The following NDRG3 variants were observed in gnomAD, a reference collection of about 807,000 sequenced individuals.
NDRG3 encodes the protein protein NDRG3.
A neutral mutation model predicts 57.2 loss-of-function variants in NDRG3; 23 were observed. That is an observed-to-expected ratio of 0.40 (90% CI 0.29 to 0.57). The LOEUF is 0.57. Among genes scored for constraint, NDRG3 ranks in the 20% least tolerant of loss-of-function variants. NDRG3 has a pLI of 0.42. For missense variants in NDRG3, 384 were observed against 457.3 expected, an observed-to-expected ratio of 0.84 and a Z score of 1.46; for synonymous variants, 132 against 162.6, an observed-to-expected ratio of 0.81 and a Z score of 1.43.
In NDRG3 at chr20:36,656,419, G is replaced by C; in HGVS notation, c.895-8C>G. 6.2e-7 allele frequency: 1 copy of C among 1,614,110 alleles called. No homozygotes were observed. The highest frequency in any genetic ancestry group is 8.5e-7 in the Non-Finnish European group (1 of 1,180,024). The stretch of plus-strand genomic sequence containing the variant: ...CTCGGTGAGCTTCCCAGGCTGGGGG[G>C]ATAAAACAAGAGGGCATTAATTTTT... On this transcript the variant is annotated splice_polypyrimidine_tract_variant and splice_region_variant and intron_variant, in intron 14 of 15. Transcript: ENST00000349004.
At chr20:36,670,269 G>GT (rs1419377884) in intron 9 of NDRG3, among the ~76,000 whole-genome samples, 5 of 152,170 alleles carry the variant, frequency 3.3e-5, no homozygotes, top group Non-Finnish European at 5.9e-5. Flanking sequence ...TACACTGTAA[G>GT]TATTACCTCA....
chr20:36,653,590 TCTGA>T lies in NDRG3; in HGVS notation c.1054_1057del (p.Ser352MetfsTer39). 1 of 1,614,204 alleles carries T rather than the reference TCTGA, an allele frequency of 6.2e-7. No homozygotes were observed. The highest frequency in any genetic ancestry group is 1.3e-5 in the African/African-American group (1 of 75,050). On this transcript the variant is annotated frameshift_variant, in exon 16 of 16. Coordinates refer to ENST00000349004, the MANE Select transcript of NDRG3 (RefSeq NM_032013.4). LOFTEE classifies it high-confidence loss of function. This position sits in a 1 kb window ranked among gnomAD's most constrained non-coding sequence, Gnocchi z 4.2. ...GGACTCACAGGATTCTTGAGTTCCA[TCTGA>T]CTGATTGCTGGTGACAGACCGGCTG...
intron 8 of NDRG3, among the ~76,000 whole-genome samples, chr20:36,677,382 C>T (rs927618060): frequency 2.6e-5 from 4 of 152,240 alleles, no homozygotes; most frequent in African/African-American, 9.6e-5. Context: ...TCGCCCAGAC[C>T]AGTCAGGACT....
At chr20:36,737,874 G>C (rs763186567) in intron 1 of NDRG3, among the ~76,000 whole-genome samples, 1 of 151,994 alleles carries the variant, frequency 6.6e-6, no homozygotes, top group Non-Finnish European at 1.5e-5. Context: ...GACCAGCCTG[G>C]CCAACATGGT....
chr20:36,699,484 G>T (rs775457600), intron 3 of NDRG3, among the ~76,000 whole-genome samples: 1 of 152,142 alleles, frequency 6.6e-6, no homozygotes, highest in Non-Finnish European at 1.5e-5. Context: ...TAAAGAGAGC[G>T]TCCGACAACT....
intron 8 of NDRG3, among the ~76,000 whole-genome samples, chr20:36,674,047 T>C (rs1980421941): frequency 6.6e-6 from 1 of 151,868 alleles, no homozygotes; most frequent in African/African-American, 2.4e-5. Flanking sequence ...GAGGTTGCAG[T>C]GAGCCGAGAT....
chr20:36,693,518 G>T (rs902251864), intron 3 of NDRG3, among the ~76,000 whole-genome samples: 5 of 151,796 alleles, frequency 3.3e-5, no homozygotes, highest in Admixed American at 6.6e-5. Flanking sequence ...CCACAGACTG[G>T]TACCAGTCTG....
intron 12 of NDRG3, among the ~76,000 whole-genome samples, chr20:36,662,365 A>G (rs1247534174): frequency 6.6e-6 from 1 of 151,788 alleles, no homozygotes; most frequent in African/African-American, 2.4e-5. Context: ...TTACAGGTGC[A>G]TGCCATCACA....
At chr20:36,654,584 G>C (rs1454265877) in intron 15 of NDRG3, among the ~76,000 whole-genome samples, 1 of 152,204 alleles carries the variant, frequency 6.6e-6, no homozygotes, top group Non-Finnish European at 1.5e-5. Flanking sequence ...CTGTGACCCT[G>C]GATTTAGGAT....
At chr20:36,676,281 T>A (rs978155096) in intron 8 of NDRG3, among the ~76,000 whole-genome samples, 56 of 152,066 alleles carry the variant, frequency 3.7e-4, no homozygotes, top group African/African-American at 1.3e-3. Flanking sequence ...TAAAATGAGA[T>A]TAACAGATTA....
chr20:36,717,011 G>A (rs999681343), intron 2 of NDRG3, among the ~76,000 whole-genome samples: 6 of 152,186 alleles, frequency 3.9e-5, no homozygotes, highest in African/African-American at 1.4e-4. Flanking sequence ...GAGACTGGAA[G>A]ATTAAAATAA....
intron 9 of NDRG3, among the ~76,000 whole-genome samples, chr20:36,669,969 A>G (rs1399872734): frequency 1.3e-5 from 2 of 152,214 alleles, no homozygotes; most frequent in African/African-American, 4.8e-5. Context: ...CTACTGACAC[A>G]TGGAATGACA....
chr20:36,682,035 T>G (rs776668944), intron 7 of NDRG3, among the ~76,000 whole-genome samples: 21 of 152,300 alleles, frequency 1.4e-4, no homozygotes, highest in South Asian at 4.1e-4. Context: ...AGTGATTATA[T>G]TCACGATAGA....
chr20:36,709,800 A>C (rs952393442), intron 2 of NDRG3, among the ~76,000 whole-genome samples: 3 of 152,208 alleles, frequency 2.0e-5, no homozygotes, highest in African/African-American at 7.2e-5. Context: ...CTCCAAATAT[A>C]GCACAGGGCC....
At chr20:36,664,527 A>C (rs1407548980) in intron 12 of NDRG3, among the ~76,000 whole-genome samples, 1 of 152,174 alleles carries the variant, frequency 6.6e-6, no homozygotes, top group Non-Finnish European at 1.5e-5. Flanking sequence ...CACAAAGTGA[A>C]CTACACAACA....
intron 2 of NDRG3, among the ~76,000 whole-genome samples, chr20:36,714,646 C>T (rs1279962901): frequency 1.3e-5 from 2 of 148,914 alleles, no homozygotes; most frequent in Non-Finnish European, 3.0e-5. Context: ...CGGAGTCTTG[C>T]TCTGTCGCCC....
chr20:36,701,544 C>CTTT (rs897071523), intron 3 of NDRG3, among the ~76,000 whole-genome samples: 2 of 124,274 alleles, frequency 1.6e-5, no homozygotes, highest in African/African-American at 2.9e-5. Flanking sequence ...GACCCTGTAT[C>CTTT]TTTTTTTTTT....
In NDRG3 at chr20:36,677,560, A is replaced by G. The variant is rs186967869; in HGVS notation, c.531+3256T>C. On this transcript the variant is annotated intron_variant, in intron 8 of 15. Transcript: ENST00000349004. Reference sequence around the variant, plus strand: ...GACAACCAGCTGCAGAGAGGAATACACTCTCCACTGAGCGCTTCAGGGACA... The same window carrying G: ...GACAACCAGCTGCAGAGAGGAATACGCTCTCCACTGAGCGCTTCAGGGACA... Among the ~76,000 whole-genome samples the G allele has an allele frequency of 2.6e-4, 40 of 152,054 alleles. No homozygotes were observed. The East Asian group carries it at 7.2e-3, about 27-fold the overall frequency.
chr20:36,716,050 G>A (rs1326611822), intron 2 of NDRG3, among the ~76,000 whole-genome samples: 1 of 152,144 alleles, frequency 6.6e-6, no homozygotes, highest in Non-Finnish European at 1.5e-5. Flanking sequence ...AGCCATGATT[G>A]TGCCACTGGA....
Sources: gnomAD v4.1 joint callset for allele counts (sites outside exome capture counted in the v4.1 genomes callset) on GRCh38, gnomAD v4.1.1 for gene constraint, Gnocchi (gnomAD v3.1) non-coding constraint, MANE v1.5 for transcripts, NCBI Gene and HGNC (gene_info 2026-07-23, HGNC 2026-07-21) for gene names.